The following VWA5B1 variants were observed in gnomAD, a reference collection of about 807,000 sequenced individuals.
VWA5B1 encodes von Willebrand factor A domain containing 5B1.
A neutral mutation model predicts 118.2 loss-of-function variants in VWA5B1; 115 were observed. The ratio of observed to expected loss-of-function variants is 0.97; its 90% CI spans 0.84 to 1.14. The LOEUF is 1.14. Among genes scored for constraint, VWA5B1 ranks in the 50% most tolerant of loss-of-function variants. The pLI is 0.00. For synonymous variants in VWA5B1, 682 were observed against 658.4 expected (o/e 1.04, Z -0.55); for missense variants, 1,596 against 1,603.8 (o/e 1.00, Z 0.08).
chr1:20,295,009 A>G (rs1031782500), intron 1 of VWA5B1, among the ~76,000 whole-genome samples: 11 of 152,210 alleles, frequency 7.2e-5, no homozygotes, highest in African/African-American at 2.7e-4. Flanking sequence ...AGACCGCTCC[A>G]TGCATGGAGA....
rs569123990 is a variant in VWA5B1, at chr1:20,294,121, G to C, written c.-27+3033G>C. On this transcript the variant is annotated intron_variant, in intron 1 of 21. Transcript: ENST00000289815. ...GTCCTCAAGAGGCTTGCAGTCTCAAGTGGGGAGACCAGTGGTCATCAATTA... is the reference window on the plus strand; with the variant it reads ...GTCCTCAAGAGGCTTGCAGTCTCAACTGGGGAGACCAGTGGTCATCAATTA... 2.6e-5 allele frequency: 4 copies of C among 152,376 alleles called. No homozygotes were observed. The East Asian group carries it at 7.7e-4, about 29-fold the overall frequency. 9.4% of individuals were successfully genotyped at this position (152,376 alleles called of 1,614,324 possible).
rs1481603665 is a variant in VWA5B1 at position 20,319,424 on chromosome 1, C to A, written c.884C>A (p.Thr295Asn). 1 of 1,551,642 alleles carries A rather than the reference C, an allele frequency of 6.4e-7. No individual in the cohort carries two copies. The highest frequency in any genetic ancestry group is 1.4e-5 in the African/African-American group (1 of 73,064). The part of the protein sequence containing the change: ...PHVLIEKGDM[T>N]LGEFDQHLKG... ...GTCCTGATAGAGAAAGGGGACATGA[C>A]CCTGGGAGAGTTTGACCAGCACTTG... is the stretch of plus-strand genomic sequence containing the variant. Residue 295 changes from threonine to asparagine, a missense_variant, in exon 7 of 22, where the codon ACC becomes AAC. Coordinates refer to ENST00000289815, the MANE Select transcript of VWA5B1 (RefSeq NM_001039500.3).
At chr1:20,315,254 C>T (rs1411954699) in intron 4 of VWA5B1, among the ~76,000 whole-genome samples, 1 of 152,084 alleles carries the variant, frequency 6.6e-6, no homozygotes, top group Non-Finnish European at 1.5e-5. Flanking sequence ...GACAGGGCCC[C>T]AGAGAAGAAC....
chr1:20,300,224 G>A (rs1382350948), intron 1 of VWA5B1, among the ~76,000 whole-genome samples: 1 of 152,212 alleles, frequency 6.6e-6, no homozygotes, highest in Admixed American at 6.5e-5. Flanking sequence ...TCAGGAAACA[G>A]TGTCACCTCT....
intron 7 of VWA5B1, 96 bp from the exon 8 acceptor site, chr1:20,323,260 G>A: frequency 1.7e-6 from 2 of 1,204,612 alleles, no homozygotes; most frequent in Non-Finnish European, 2.2e-6. Flanking sequence ...GCCTGAGCAG[G>A]ATGTGGGTGC....
At position 20,345,509 on chromosome 1, in the gene VWA5B1, A is replaced by T; in HGVS notation, c.2680A>T (p.Ile894Phe). The T allele has an allele frequency of 3.2e-6, 5 of 1,551,296 alleles. No homozygotes were observed. The South Asian group carries it at 5.9e-5, about 18-fold the overall frequency. The part of the protein sequence containing the change: ...SALHTSKACN[I>F]ISKYTAFVPV... ...CTTGCACACCAGCAAGGCCTGCAAC[A>T]TCATTAGCAAATACACAGCCTTCGT... Residue 894 changes from isoleucine to phenylalanine, a missense_variant, in exon 17 of 22, where the codon ATC becomes TTC. By Grantham distance (21) the Ile-to-Phe change is conservative. Coordinates refer to ENST00000289815, the MANE Select transcript of VWA5B1 (RefSeq NM_001039500.3).
intron 18 of VWA5B1, chr1:20,349,087 T>C: frequency 2.9e-6 from 1 of 339,918 alleles, no homozygotes; most frequent in South Asian, 2.2e-5. Flanking sequence ...ATAAGGATTT[T>C]TTTATTCCAG....
intron 1 of VWA5B1, among the ~76,000 whole-genome samples, chr1:20,302,539 G>A (rs2088529118): frequency 6.6e-6 from 1 of 152,168 alleles, no homozygotes; most frequent in Non-Finnish European, 1.5e-5. Context: ...GGTGGGTGGG[G>A]GACAAGACAC....
intron 4 of VWA5B1, 75 bp downstream of exon 4, chr1:20,314,667 G>A (rs2088951060): frequency 6.6e-7 from 1 of 1,506,334 alleles, no homozygotes; most frequent in Non-Finnish European, 8.9e-7. Context: ...ATTAGTAGGG[G>A]ACAGGGTGGG....
chr1:20,351,258 C>T (rs142754344), intron 20 of VWA5B1, among the ~76,000 whole-genome samples: 1 of 152,180 alleles, frequency 6.6e-6, no homozygotes, highest in African/African-American at 2.4e-5. Flanking sequence ...GTAGCTCACA[C>T]GTGTAATCCC....
chr1:20,340,027 G>A (rs2089832912), intron 14 of VWA5B1, among the ~76,000 whole-genome samples: 2 of 152,156 alleles, frequency 1.3e-5, no homozygotes, highest in Non-Finnish European at 2.9e-5. Context: ...TCCTTGGCTG[G>A]CAGCTCTATT....
At chr1:20,310,845 CT>C (rs2088828177) in intron 2 of VWA5B1, 105 bp downstream of exon 2, 2 of 1,378,450 alleles carry the variant, frequency 1.5e-6, no homozygotes, top group South Asian at 3.2e-5. Flanking sequence ...CATGCCACCC[CT>C]CCGAGTCTGT....
Position 20,293,404 on chromosome 1 carries a change from G to A in VWA5B1, c.-27+2316G>A, listed in dbSNP as rs575374206. Among the ~76,000 whole-genome samples, 8 of 152,296 alleles carry A rather than the reference G, an allele frequency of 5.3e-5. No individual in the cohort carries two copies. In the South Asian group the frequency reaches 8.3e-4, roughly 16 times the overall value. On this transcript the variant is annotated intron_variant, in intron 1 of 21. Coordinates refer to ENST00000289815, the MANE Select transcript of VWA5B1 (RefSeq NM_001039500.3). Reference sequence around the variant, plus strand: ...GGAGGGCAGTGGAAGAGGCACCCAGGGACTCAGGGGCAGCACTCCTCCAGG... The same window carrying A: ...GGAGGGCAGTGGAAGAGGCACCCAGAGACTCAGGGGCAGCACTCCTCCAGG...
rs1481281781 is a variant in VWA5B1, at chr1:20,353,995, T to C, written c.3380T>C (p.Leu1127Pro). 1 of 1,551,728 alleles carries C rather than the reference T, an allele frequency of 6.4e-7. No homozygotes were observed. Among genetic ancestry groups the C allele is most frequent in the Admixed American group, 2.0e-5 (1 of 51,008 alleles). The change falls in exon 22 of 22, where the codon CTG (leucine) becomes CCG (proline). Residue 1127 changes from leucine to proline, a missense_variant. Leu to Pro is a moderately conservative substitution (Grantham distance 98, BLOSUM62 -3). Transcript: ENST00000289815. ...LEPLAKGKLGLEPRAVVEHTG... is the reference protein window; with the variant it reads ...LEPLAKGKLGPEPRAVVEHTG... ...CCTCTGGCCAAGGGCAAGCTGGGCCTGGAGCCGAGGGCAGTGGTGGAGCAC... is the reference window on the plus strand; with the variant it reads ...CCTCTGGCCAAGGGCAAGCTGGGCCCGGAGCCGAGGGCAGTGGTGGAGCAC...
intron 7 of VWA5B1, 83 bp from the exon 8 acceptor site, chr1:20,323,273 G>T: frequency 7.8e-7 from 1 of 1,277,064 alleles, no homozygotes; most frequent in Non-Finnish European, 1.0e-6. Context: ...GTGGGTGCAC[G>T]GTGAGTGACG....
Position 20,318,614 on chromosome 1 carries a change from T to G in VWA5B1, c.734T>G (p.Ile245Ser), listed in dbSNP as rs1427705825. ...LAGVESPTHE[I>S]RADAAPSARS... ...GGGGTGGAGAGTCCCACTCATGAGA[T>G]TCGTGCCGACGCCGCCCCATCTGCC... Residue 245 changes from isoleucine to serine, a missense_variant, in exon 6 of 22, where the codon ATT (isoleucine) becomes AGT (serine). Coordinates refer to ENST00000289815, the MANE Select transcript of VWA5B1 (RefSeq NM_001039500.3). 6.4e-7 allele frequency: 1 copy of G among 1,551,352 alleles called. No homozygotes were observed. The highest frequency in any genetic ancestry group is 8.7e-7 in the Non-Finnish European group (1 of 1,146,848).
At chr1:20,347,912 G>A (rs1385690122) in intron 17 of VWA5B1, among the ~76,000 whole-genome samples, 1 of 152,112 alleles carries the variant, frequency 6.6e-6, no homozygotes, top group East Asian at 1.9e-4. Context: ...GAAAAAACTG[G>A]CCTTTTAACT....
intron 1 of VWA5B1, among the ~76,000 whole-genome samples, chr1:20,304,029 G>A (rs2088572892): frequency 6.6e-6 from 1 of 152,216 alleles, no homozygotes; most frequent in South Asian, 2.1e-4. Context: ...TGCCTGTAAA[G>A]CACTAGAACC....
chr1:20,337,876 C>T (rs1438639350), intron 14 of VWA5B1, 40 bp downstream of exon 14: 13 of 1,550,502 alleles, frequency 8.4e-6, no homozygotes, highest in East Asian at 2.4e-5. Context: ...CTGGGGAAGG[C>T]GACAGGCAGG....
Sources: allele counts gnomAD v4.1 joint callset (sites outside exome capture counted in the v4.1 genomes callset), GRCh38; gene constraint gnomAD v4.1.1; transcripts MANE v1.5; gene names NCBI Gene and HGNC (gene_info 2026-07-23, HGNC 2026-07-21).